FOXRED1: variants seen among roughly 807,000 people sequenced by gnomAD.
FOXRED1 encodes FAD-dependent oxidoreductase domain-containing protein 1.
A neutral mutation model predicts 57.8 loss-of-function variants in FOXRED1; 52 were observed. The observed-to-expected ratio is 0.90, with a 90% CI of 0.72 to 1.13. The LOEUF (loss-of-function observed/expected upper bound fraction) is 1.13. FOXRED1 is among the 50% of genes most tolerant of loss of function. The pLI is 0.00. For missense variants in FOXRED1, 589 were observed against 625.2 expected (o/e 0.94, Z 0.62); for synonymous variants, 271 against 248.3 (o/e 1.09, Z -0.86).
Position 126,276,235 on chromosome 11 carries a change from A to G in FOXRED1, c.971+16A>G, listed in dbSNP as rs11220434. Reference sequence around the variant, plus strand: ...CGAGGAAAAGGTAACTGCCCTCCGGACAGCTGAGGAGGTTGGTGAGAAAGA... The same window carrying G: ...CGAGGAAAAGGTAACTGCCCTCCGGGCAGCTGAGGAGGTTGGTGAGAAAGA... On this transcript the variant is annotated intron_variant, in intron 8 of 10. Transcript: ENST00000263578. 544 of 1,566,358 alleles carry G rather than the reference A, an allele frequency of 3.5e-4. 2 individuals carry two copies. The East Asian group carries it at 0.012, about 35-fold the overall frequency.
chr11:126,276,628 C>A, intron 9 of FOXRED1, 105 bp downstream of exon 9: 1 of 1,351,184 alleles, frequency 7.4e-7, no homozygotes, highest in Non-Finnish European at 1.0e-6. Flanking sequence ...GTAATCTTGG[C>A]ATTTTGGGAG....
rs757624436 is a variant in FOXRED1, at chr11:126,277,462, G to A, written c.1234G>A (p.Asp412Asn). Residue 412 changes from aspartate to asparagine, a missense_variant, in exon 11 of 11, where the codon GAC (aspartate) becomes AAC (asparagine). By Grantham distance (23) the Asp-to-Asn change is conservative. Transcript: ENST00000263578. The surrounding 1 kb of genome is among the most constrained non-coding windows in gnomAD (Gnocchi z 6.8). The part of the protein sequence containing the change: ...KVQSAWAGYY[D>N]YNTFDQNGVV... ...TCAGAGCGCCTGGGCCGGCTATTAC[G>A]ACTACAACACCTTTGACCAGAATGG... is the stretch of plus-strand genomic sequence containing the variant. 10 of 1,613,264 alleles carry A rather than the reference G, an allele frequency of 6.2e-6. No homozygotes were observed. In the Admixed American group the frequency reaches 1.2e-4, roughly 19 times the overall value.
rs1202419289 is a variant in FOXRED1 at position 126,272,247 on chromosome 11, C to T, written c.306+590C>T. 6.6e-6 allele frequency among the ~76,000 whole-genome samples: 1 copy of T among 151,692 alleles called. No individual in the cohort carries two copies. The highest frequency in any genetic ancestry group is 2.4e-5 in the African/African-American group (1 of 41,218). On this transcript the variant is annotated intron_variant, in intron 2 of 10. Transcript: ENST00000263578. The surrounding 1 kb of genome is among the most constrained non-coding windows in gnomAD (Gnocchi z 4.6). ...AAAGTGCTGGGATTACAGGCATGAG[C>T]CACCATTCCCAGCCCTCAACTTGCT...
In FOXRED1 at chr11:126,269,173, T is replaced by G. The variant is rs1160643946; in HGVS notation, c.-34T>G. 1 of 1,510,882 alleles carries G rather than the reference T, an allele frequency of 6.6e-7. No homozygotes were observed. 93.6% of individuals were successfully genotyped at this position (1,510,882 alleles called of 1,614,324 possible). The stretch of plus-strand genomic sequence containing the variant: ...GGCTGCGATAATAGCGAGGCAGCAG[T>G]GCAGCTTTCAGAGGGTCCGGGCTCA... On this transcript the variant is annotated 5_prime_UTR_variant, in exon 1 of 11. Coordinates refer to ENST00000263578, the MANE Select transcript of FOXRED1 (RefSeq NM_017547.4).
Position 126,275,301 on chromosome 11 carries a change from TGTGAG to T in FOXRED1, c.632-25_632-21del. ...AAGAGCAGAAGTCCTCATCCCTCTT[TGTGAG>T]TTCTCTTTTTCTTATCACAGGGATG... On this transcript the variant is annotated intron_variant, in intron 5 of 10. Transcript: ENST00000263578. The surrounding 1 kb of genome is among the most constrained non-coding windows in gnomAD (Gnocchi z 5.9). 6.6e-7 allele frequency: 1 copy of T among 1,504,840 alleles called. No individual in the cohort carries two copies. Among genetic ancestry groups the T allele is most frequent in the Non-Finnish European group, 9.3e-7 (1 of 1,080,326 alleles). The allele number at this position is 1,504,840 out of a possible 1,614,324, so 93.2% of individuals were successfully genotyped here. A position where few individuals can be genotyped will look rare whatever the true frequency, so the allele number is the denominator to read the frequency against.
In FOXRED1 at chr11:126,273,404, G is replaced by A. The variant is rs768542986; in HGVS notation, c.486G>A (p.Leu162=). The change falls in exon 4 of 11, where the codon CTG becomes CTA. Residue 162 remains leucine (L), a synonymous_variant. Coordinates refer to ENST00000263578, the MANE Select transcript of FOXRED1 (RefSeq NM_017547.4). This position sits in a 1 kb window ranked among gnomAD's most constrained non-coding sequence, Gnocchi z 5.9. ...TCAACCCCTCGGGCTACCTCTTGCT[G>A]GCTTCAGAAAAGGATGCTGCAGCCA... ...LRFNPSGYLL[L]ASEKDAAAME... The A allele has an allele frequency of 1.9e-6, 3 of 1,613,870 alleles. No individual in the cohort carries two copies. The highest frequency in any genetic ancestry group is 2.7e-5 in the African/African-American group (2 of 74,930).
Position 126,275,197 on chromosome 11 carries a change from T to G in FOXRED1, c.632-130T>G. On this transcript the variant is annotated intron_variant, in intron 5 of 10. Coordinates refer to ENST00000263578, the MANE Select transcript of FOXRED1 (RefSeq NM_017547.4). The surrounding 1 kb of genome is among the most constrained non-coding windows in gnomAD (Gnocchi z 5.9). ...TCTGTCCTTCATCAGGCTTTGTCTC[T>G]GTGGTTCAGTTGGTTAAGATGACCT... The G allele has an allele frequency of 1.2e-6, 1 of 835,042 alleles. No homozygotes were observed. Among genetic ancestry groups the G allele is most frequent in the Non-Finnish European group, 2.0e-6 (1 of 489,728 alleles). 51.7% of individuals were successfully genotyped at this position (835,042 alleles called of 1,614,324 possible).
At position 126,276,097 on chromosome 11, in the gene FOXRED1, A is replaced by G. The variant is rs1951121838; in HGVS notation, c.849A>G (p.Glu283=). 4 of 1,612,820 alleles carry G rather than the reference A, an allele frequency of 2.5e-6. No homozygotes were observed. The East Asian group carries it at 8.9e-5, about 36-fold the overall frequency. Residue 283 remains glutamate (E), a synonymous_variant, in exon 8 of 11, where the codon GAA becomes GAG. Coordinates refer to ENST00000263578, the MANE Select transcript of FOXRED1 (RefSeq NM_017547.4). ...GCAGCCTGGAGTACCAGCCTGTGGA[A>G]TGCGCCATTGTGATCAACGCAGCCG... ...MDRSLEYQPV[E]CAIVINAAGA... is the part of the protein sequence containing the mutation.
Position 126,273,520 on chromosome 11 carries a change from G to C in FOXRED1, c.536+66G>C. The C allele has an allele frequency of 9.6e-7, 1 of 1,044,904 alleles. No individual in the cohort carries two copies. Among genetic ancestry groups the C allele is most frequent in the South Asian group, 1.3e-5 (1 of 79,630 alleles). 64.7% of individuals were successfully genotyped at this position (1,044,904 alleles called of 1,614,324 possible). A position where few individuals can be genotyped will look rare whatever the true frequency, so the allele number is the denominator to read the frequency against. Reference sequence around the variant, plus strand: ...AGGTGTTGGGTGACTCCTGCACCAGGTTAGGAAGCGAGAAAGTGGAGTTGA... The same window carrying C: ...AGGTGTTGGGTGACTCCTGCACCAGCTTAGGAAGCGAGAAAGTGGAGTTGA... On this transcript the variant is annotated intron_variant, in intron 4 of 10. Transcript: ENST00000263578. This position sits in a 1 kb window ranked among gnomAD's most constrained non-coding sequence, Gnocchi z 5.9.
chr11:126,271,784 A>G lies in FOXRED1; in HGVS notation c.306+127A>G, dbSNP rs1950992591. 2.5e-6 allele frequency: 2 copies of G among 802,916 alleles called. No homozygotes were observed. Among genetic ancestry groups the G allele is most frequent in the African/African-American group, 1.7e-5 (1 of 59,302 alleles). The allele number at this position is 802,916 out of a possible 1,614,324, so 49.7% of individuals were successfully genotyped here. A position where few individuals can be genotyped will look rare whatever the true frequency, so the allele number is the denominator to read the frequency against. On this transcript the variant is annotated intron_variant, in intron 2 of 10. Transcript: ENST00000263578. This position sits in a 1 kb window ranked among gnomAD's most constrained non-coding sequence, Gnocchi z 5.3. ...ATCTCGGAGGGTCCAACGGACAGAG[A>G]TTGTGCTTTGGACTTTGTTGAGAAA...
chr11:126,277,795 C>T lies in FOXRED1; in HGVS notation c.*106C>T. On this transcript the variant is annotated 3_prime_UTR_variant, in exon 11 of 11. Transcript: ENST00000263578. This position sits in a 1 kb window ranked among gnomAD's most constrained non-coding sequence, Gnocchi z 6.8. ...GTACTGTGCCAGGCCTTCTCCCCCT[C>T]CCCAGTGTCCTCTCCTCTCAGGCAG... The T allele has an allele frequency of 8.0e-7, 1 of 1,254,082 alleles. No individual in the cohort carries two copies. Among genetic ancestry groups the T allele is most frequent in the Non-Finnish European group, 1.2e-6 (1 of 862,308 alleles). 77.7% of individuals were successfully genotyped at this position (1,254,082 alleles called of 1,614,324 possible).
chr11:126,276,519 C>T lies in FOXRED1; in HGVS notation c.1097C>T (p.Thr366Ile), dbSNP rs141200521. The T allele has an allele frequency of 6.2e-7, 1 of 1,604,862 alleles. No individual in the cohort carries two copies. Among genetic ancestry groups the T allele is most frequent in the Non-Finnish European group, 8.5e-7 (1 of 1,174,934 alleles). Residue 366 changes from threonine to isoleucine, a missense_variant, in exon 9 of 11, where the codon ACT becomes ATT. Coordinates refer to ENST00000263578, the MANE Select transcript of FOXRED1 (RefSeq NM_017547.4). ...GSNYLGGRSP[T>I]EQEEPDPANL... ...AACTACCTAGGTGGTCGTAGCCCCACTGAGGTAAGCTGAGTGGGGTGGGAC... is the reference window on the plus strand; with the variant it reads ...AACTACCTAGGTGGTCGTAGCCCCATTGAGGTAAGCTGAGTGGGGTGGGAC...
chr11:126,275,325 A>G lies in FOXRED1; in HGVS notation c.632-2A>G. Reference sequence around the variant, plus strand: ...TTGTGAGTTCTCTTTTTCTTATCACAGGGATGGAGGACGAAGGTTGGTTTG... The same window carrying G: ...TTGTGAGTTCTCTTTTTCTTATCACGGGGATGGAGGACGAAGGTTGGTTTG... On this transcript the variant is annotated splice_acceptor_variant, in intron 5 of 10. Coordinates refer to ENST00000263578, the MANE Select transcript of FOXRED1 (RefSeq NM_017547.4). LOFTEE classifies it high-confidence loss of function. The surrounding 1 kb of genome is among the most constrained non-coding windows in gnomAD (Gnocchi z 5.9). 1 of 1,604,196 alleles carries G rather than the reference A, an allele frequency of 6.2e-7. No individual in the cohort carries two copies. The highest frequency in any genetic ancestry group is 2.2e-5 in the East Asian group (1 of 44,812).
At position 126,274,872 on chromosome 11, in the gene FOXRED1, C is replaced by A. The variant is rs1172962914; in HGVS notation, c.537-55C>A. Reference sequence around the variant, plus strand: ...GTGGAGTTGGGGTCCATACATCATCCCCCTGCACACTCCCCTCTCTGACAC... The same window carrying A: ...GTGGAGTTGGGGTCCATACATCATCACCCTGCACACTCCCCTCTCTGACAC... On this transcript the variant is annotated intron_variant, in intron 4 of 10. Coordinates refer to ENST00000263578, the MANE Select transcript of FOXRED1 (RefSeq NM_017547.4). This position sits in a 1 kb window ranked among gnomAD's most constrained non-coding sequence, Gnocchi z 4.8. 4 of 1,016,068 alleles carry A rather than the reference C, an allele frequency of 3.9e-6. No individual in the cohort carries two copies. Among genetic ancestry groups the A allele is most frequent in the African/African-American group, 1.6e-5 (1 of 63,640 alleles). The allele number at this position is 1,016,068 out of a possible 1,614,324, so 62.9% of individuals were successfully genotyped here.
Position 126,271,566 on chromosome 11 carries a change from G to A in FOXRED1, c.215G>A (p.Gly72Glu), listed in dbSNP as rs772430244. The A allele has an allele frequency of 9.9e-6, 16 of 1,614,112 alleles. No individual in the cohort carries two copies. The South Asian group carries it at 1.8e-4, about 18-fold the overall frequency. Residue 72 changes from glycine (G) to glutamate (E), a missense_variant, in exon 2 of 11, where the codon GGG becomes GAG. By Grantham distance (98) the Gly-to-Glu change is moderately conservative. Coordinates refer to ENST00000263578, the MANE Select transcript of FOXRED1 (RefSeq NM_017547.4). This position sits in a 1 kb window ranked among gnomAD's most constrained non-coding sequence, Gnocchi z 5.3. ...EHSDVVIVGG[G>E]VLGLSVAYWL... The stretch of plus-strand genomic sequence containing the variant: ...TCGGATGTGGTGATCGTGGGAGGTG[G>A]GGTGCTTGGCTTGTCTGTGGCCTAT...
At position 126,274,447 on chromosome 11, in the gene FOXRED1, G is replaced by A. The variant is rs1223713078; in HGVS notation, c.537-480G>A. 4.8e-6 allele frequency: 1 copy of A among 207,548 alleles called. No homozygotes were observed. The highest frequency in any genetic ancestry group is 1.0e-5 in the Non-Finnish European group (1 of 99,980). The allele number at this position is 207,548 out of a possible 1,614,324, so 12.9% of individuals were successfully genotyped here. A position where few individuals can be genotyped will look rare whatever the true frequency, so the allele number is the denominator to read the frequency against. On this transcript the variant is annotated intron_variant, in intron 4 of 10. Transcript: ENST00000263578. The surrounding 1 kb of genome is among the most constrained non-coding windows in gnomAD (Gnocchi z 4.8). ...ATGGAACACCTGAGGTCAGGAGTTC[G>A]AGACCAGCCTGGCCAACTGGTGAAA...
At position 126,275,694 on chromosome 11, in the gene FOXRED1, T is replaced by G. The variant is rs544690321; in HGVS notation, c.734-100T>G. Reference sequence around the variant, plus strand: ...TTTGCTTCAGTGTCTGTGGGAAAGCTCCCATCCTTCCAGCTTTCTTTCCTT... The same window carrying G: ...TTTGCTTCAGTGTCTGTGGGAAAGCGCCCATCCTTCCAGCTTTCTTTCCTT... On this transcript the variant is annotated intron_variant, in intron 6 of 10. Coordinates refer to ENST00000263578, the MANE Select transcript of FOXRED1 (RefSeq NM_017547.4). This position sits in a 1 kb window ranked among gnomAD's most constrained non-coding sequence, Gnocchi z 5.9. The G allele has an allele frequency of 2.6e-5, 23 of 868,212 alleles. No homozygotes were observed. In the South Asian group the frequency reaches 2.9e-4, roughly 11 times the overall value. 53.8% of individuals were successfully genotyped at this position (868,212 alleles called of 1,614,324 possible).
In FOXRED1 at chr11:126,273,048, T is replaced by C; in HGVS notation, c.386T>C (p.Leu129Pro). 6.2e-7 allele frequency: 1 copy of C among 1,601,424 alleles called. No individual in the cohort carries two copies. Among genetic ancestry groups the C allele is most frequent in the East Asian group, 2.2e-5 (1 of 44,840 alleles). The part of the protein sequence containing the change: ...FSLPENIQLS[L>P]FSASFLRNIN... ...TTGCCTGAGAACATCCAGCTCTCCC[T>C]CTTTTCAGCCAGCTTTCTACGGAAC... The change falls in exon 3 of 11, where the codon CTC becomes CCC. Residue 129 changes from leucine to proline, a missense_variant. Coordinates refer to ENST00000263578, the MANE Select transcript of FOXRED1 (RefSeq NM_017547.4). This position sits in a 1 kb window ranked among gnomAD's most constrained non-coding sequence, Gnocchi z 5.9.
Position 126,269,278 on chromosome 11 carries a change from A to C in FOXRED1, c.72A>C (p.Gly24=). ...LLTRRPGTRR[G]GFSLDWDGKV... ...CCCGGAGGCCAGGCACGCGCAGAGG[A>C]GGCTTTTCTCTGGGTAAAGTTGAGG... Residue 24 remains glycine (G), a synonymous_variant, in exon 1 of 11, where the codon GGA becomes GGC. Coordinates refer to ENST00000263578, the MANE Select transcript of FOXRED1 (RefSeq NM_017547.4). 1 of 1,614,124 alleles carries C rather than the reference A, an allele frequency of 6.2e-7. No homozygotes were observed. Among genetic ancestry groups the C allele is most frequent in the South Asian group, 1.1e-5 (1 of 91,082 alleles).
Sources: gnomAD v4.1 joint callset for allele counts (sites outside exome capture counted in the v4.1 genomes callset) on GRCh38, gnomAD v4.1.1 for gene constraint, Gnocchi (gnomAD v3.1) non-coding constraint, MANE v1.5 for transcripts, NCBI Gene and HGNC (gene_info 2026-07-23, HGNC 2026-07-21) for gene names.